CFAP58: variants seen among roughly 807,000 people sequenced by gnomAD.
The protein encoded by CFAP58 is cilia and flagella associated protein 58.
In CFAP58, 88 loss-of-function variants were observed where a neutral mutation model predicts 119.5. That is an observed-to-expected ratio of 0.74 (90% CI 0.62 to 0.88). The LOEUF (loss-of-function observed/expected upper bound fraction) is 0.88, where lower values mean the gene tolerates loss of function less well. Ranked by LOEUF, CFAP58 falls within the 40% of genes least tolerant of loss-of-function variation. The pLI is 0.00. For synonymous variants in CFAP58, 365 were observed against 366.3 expected, an observed-to-expected ratio of 1.00 and a Z score of 0.04; for missense variants, 990 against 1,021.2, an observed-to-expected ratio of 0.97 and a Z score of 0.42.
chr10:104,354,477 A>T (rs753418575), intron 1 of CFAP58, among the ~76,000 whole-genome samples: 21 of 151,794 alleles, frequency 1.4e-4, no homozygotes, highest in Non-Finnish European at 2.2e-4. Flanking sequence ...ATATTACAGT[A>T]CACCCCATTT....
intron 15 of CFAP58, among the ~76,000 whole-genome samples, chr10:104,413,191 C>T (rs906298724): frequency 9.2e-5 from 14 of 152,180 alleles, no homozygotes; most frequent in Non-Finnish European, 2.9e-5. Flanking sequence ...CATTTAAGTT[C>T]GTCTTCGAGC....
intron 4 of CFAP58, among the ~76,000 whole-genome samples, 172 bp downstream of exon 4, chr10:104,365,061 G>T (rs2014724226): frequency 6.6e-6 from 1 of 152,114 alleles, no homozygotes; most frequent in Non-Finnish European, 1.5e-5. Flanking sequence ...AGCTTTACTT[G>T]ATTTGAACGA....
chr10:104,382,928 TG>T (rs775817989), intron 9 of CFAP58, among the ~76,000 whole-genome samples: 3 of 152,160 alleles, frequency 2.0e-5, no homozygotes, highest in Non-Finnish European at 4.4e-5. Flanking sequence ...CAGTGGCACA[TG>T]GGAATAAGGA....
At chr10:104,374,379 A>C (rs866377984) in intron 7 of CFAP58, among the ~76,000 whole-genome samples, 5 of 138,696 alleles carry the variant, frequency 3.6e-5, no homozygotes, top group African/African-American at 1.3e-4. Context: ...GGGGGCTGAG[A>C]GGCAGAGGTT....
At chr10:104,344,693 G>A in the CFAP58 span, among the ~76,000 whole-genome samples, 1 of 151,990 alleles carries the variant, frequency 6.6e-6, no homozygotes, top group Non-Finnish European at 1.5e-5. Context: ...CTGTCCTAGA[G>A]GTTTAAATTG....
chr10:104,433,228 C>T (rs868459274), intron 15 of CFAP58, among the ~76,000 whole-genome samples: 38 of 152,262 alleles, frequency 2.5e-4, no homozygotes, highest in South Asian at 2.1e-4. Context: ...TGAGTAGCTA[C>T]GATTGTAGGC....
At chr10:104,346,016 G>A in the CFAP58 span, among the ~76,000 whole-genome samples, 3 of 152,052 alleles carry the variant, frequency 2.0e-5, no homozygotes, top group African/African-American at 7.3e-5. Flanking sequence ...TCATGGTTCT[G>A]CAGGCTGTGC....
At chr10:104,359,449 A>G (rs924475399) in intron 2 of CFAP58, among the ~76,000 whole-genome samples, 2 of 152,208 alleles carry the variant, frequency 1.3e-5, no homozygotes, top group African/African-American at 2.4e-5. Context: ...TGAAAAACCA[A>G]TATAAGAAGG....
At chr10:104,369,047 C>G (rs2014789530) in intron 6 of CFAP58, among the ~76,000 whole-genome samples, 1 of 152,144 alleles carries the variant, frequency 6.6e-6, no homozygotes, top group South Asian at 2.1e-4. Flanking sequence ...TCTCCTTGCT[C>G]TCATTGAAGA....
At chr10:104,344,341 A>G in the CFAP58 span, among the ~76,000 whole-genome samples, 1 of 152,230 alleles carries the variant, frequency 6.6e-6, no homozygotes, top group East Asian at 1.9e-4. Flanking sequence ...CACCTAATCT[A>G]TGCCAGGCAT....
intron 11 of CFAP58, among the ~76,000 whole-genome samples, chr10:104,395,779 G>C (rs2012136964): frequency 6.6e-6 from 1 of 152,180 alleles, no homozygotes; most frequent in African/African-American, 2.4e-5. Flanking sequence ...ATTGCGAGTT[G>C]TACGAAGCTA....
intron 15 of CFAP58, among the ~76,000 whole-genome samples, chr10:104,419,253 T>G (rs1242029204): frequency 6.6e-6 from 1 of 152,108 alleles, no homozygotes; most frequent in African/African-American, 2.4e-5. Context: ...CGGGGCACCA[T>G]ATGCTTCTAC....
At chr10:104,385,076 G>A (rs1389142948) in intron 9 of CFAP58, among the ~76,000 whole-genome samples, 1 of 152,114 alleles carries the variant, frequency 6.6e-6, no homozygotes, top group Non-Finnish European at 1.5e-5. Context: ...CGTTGTGATT[G>A]CACTTTGGTG....
intron 15 of CFAP58, among the ~76,000 whole-genome samples, chr10:104,423,368 CT>C (rs2012691227): frequency 6.6e-6 from 1 of 152,026 alleles, no homozygotes; most frequent in Non-Finnish European, 1.5e-5. Flanking sequence ...TTACTATTTT[CT>C]TTTGATATTT....
rs1478226076 is a variant in CFAP58 at position 104,376,812 on chromosome 10, G to A, written c.1092G>A (p.Glu364=). The part of the protein sequence containing the change: ...LKNQIVGLER[E]VEASKKQAEL... ...TATTTTTTCTCCCTGGGGATTCAGAGGTAGAGGCTTCAAAGAAACAAGCAG... is the reference window on the plus strand; with the variant it reads ...TATTTTTTCTCCCTGGGGATTCAGAAGTAGAGGCTTCAAAGAAACAAGCAG... The change falls in exon 8 of 18, where the codon GAG becomes GAA. Residue 364 remains glutamate (E), a splice_region_variant and synonymous_variant. Coordinates refer to ENST00000369704, the MANE Select transcript of CFAP58 (RefSeq NM_001008723.2). The A allele has an allele frequency of 6.2e-7, 1 of 1,612,562 alleles. No individual in the cohort carries two copies. The highest frequency in any genetic ancestry group is 1.1e-5 in the South Asian group (1 of 91,054).
chr10:104,400,738 C>T lies in CFAP58; in HGVS notation c.1874C>T (p.Ala625Val), dbSNP rs1488070802. ...CTTGTTCGGCGCAATGATGAGTTAG[C>T]TTTGCTCTATGAGAAGATCAAGATC... ...SQLVRRNDEL[A>V]LLYEKIKIQQ... Residue 625 changes from alanine (A) to valine (V), a missense_variant, in exon 13 of 18, where the codon GCT (alanine) becomes GTT (valine). Ala to Val is a moderately conservative substitution (Grantham distance 64). Coordinates refer to ENST00000369704, the MANE Select transcript of CFAP58 (RefSeq NM_001008723.2). The T allele has an allele frequency of 2.4e-5, 38 of 1,614,158 alleles. No homozygotes were observed. The highest frequency in any genetic ancestry group is 3.1e-5 in the Non-Finnish European group (36 of 1,180,028).
At chr10:104,415,522 G>T (rs1384704380) in intron 15 of CFAP58, among the ~76,000 whole-genome samples, 2 of 152,138 alleles carry the variant, frequency 1.3e-5, no homozygotes, top group African/African-American at 4.8e-5. Flanking sequence ...AGGCGGAAAC[G>T]CTGACACCCA....
rs1185052111 is a variant in CFAP58 at position 104,357,983 on chromosome 10, G to GTACACATATATGTACACATATA, written c.10-341_10-320dup. 7.8e-5 allele frequency among the ~76,000 whole-genome samples: 10 copies of GTACACATATATGTACACATATA among 128,258 alleles called. 1 individual carries two copies. The highest frequency in any genetic ancestry group is 9.9e-5 in the Non-Finnish European group (6 of 60,306). 84.1% of individuals were successfully genotyped at this position (128,258 alleles called of 152,430 possible). ...CATATATGTACACATATGTACATATGTACACATATATGTACACATATATAC... is the reference window on the plus strand; with the variant it reads ...CATATATGTACACATATGTACATATGTACACATATATGTACACATATATACACATATATGTACACATATATAC... On this transcript the variant is annotated intron_variant, in intron 1 of 17. Transcript: ENST00000369704.
intron 15 of CFAP58, among the ~76,000 whole-genome samples, chr10:104,444,368 T>A (rs1460019099): frequency 6.6e-6 from 1 of 152,262 alleles, no homozygotes; most frequent in Non-Finnish European, 1.5e-5. Flanking sequence ...GGCAGCTGGT[T>A]CTGCCACTGC....
Sources: gnomAD v4.1 joint callset for allele counts (sites outside exome capture counted in the v4.1 genomes callset) on GRCh38, gnomAD v4.1.1 for gene constraint, MANE v1.5 for transcripts, NCBI Gene and HGNC (gene_info 2026-07-23, HGNC 2026-07-21) for gene names.